TNS1: variants seen among roughly 807,000 people sequenced by gnomAD.
TNS1 encodes the protein tensin-1.
In TNS1, 62 loss-of-function variants were observed where a neutral mutation model predicts 168.6. That is an observed-to-expected ratio of 0.37 (90% CI 0.30 to 0.45). TNS1 has a LOEUF of 0.45. Among genes scored for constraint, TNS1 ranks in the 20% least tolerant of loss-of-function variants. The pLI, the probability that TNS1 is intolerant of heterozygous loss-of-function variation, is 1.00. For missense variants in TNS1, 2,240 were observed against 2,339.4 expected (o/e 0.96, Z 0.88); for synonymous variants, 934 against 933.2 (o/e 1.00, Z -0.02).
chr2:217,992,994 C>T (rs935375442), intron 1 of TNS1, among the ~76,000 whole-genome samples: 1 of 152,146 alleles, frequency 6.6e-6, no homozygotes, highest in African/African-American at 2.4e-5. Flanking sequence ...TTTTTAGTGT[C>T]CCTTTTCTAC....
chr2:217,920,287 C>G (rs930992495), intron 3 of TNS1, 51 bp from the exon 4 acceptor site: 6 of 702,714 alleles, frequency 8.5e-6, no homozygotes, highest in Admixed American at 6.0e-5. Context: ...TCTCTAGAGA[C>G]AGCCAGCACC....
At chr2:217,905,327 G>A (rs1208426975) in intron 6 of TNS1, 1 of 434,434 alleles carries the variant, frequency 2.3e-6, no homozygotes, top group Non-Finnish European at 4.6e-6. Flanking sequence ...TAATTTAAGA[G>A]GCATGCTCCC....
In TNS1 at chr2:217,917,830, A is replaced by C. The variant is rs1443429973; in HGVS notation, c.228+2365T>G. ...TGGGCAACACAGTGAGACTGTTCTCAAAAAAAAAAAAAAAAAAAGACTTGC... is the reference window on the plus strand; with the variant it reads ...TGGGCAACACAGTGAGACTGTTCTCCAAAAAAAAAAAAAAAAAAGACTTGC... On this transcript the variant is annotated intron_variant, in intron 4 of 32. Transcript: ENST00000682258. Among the ~76,000 whole-genome samples, 14 of 97,034 alleles carry C rather than the reference A, an allele frequency of 1.4e-4. 1 individual carries two copies. The highest frequency in any genetic ancestry group is 8.7e-4 in the African/African-American group (13 of 14,912). 63.7% of individuals were successfully genotyped at this position (97,034 alleles called of 152,430 possible).
intron 23 of TNS1, among the ~76,000 whole-genome samples, chr2:217,820,161 T>C (rs1463162908): frequency 6.6e-6 from 1 of 151,984 alleles, no homozygotes; most frequent in Non-Finnish European, 1.5e-5. Context: ...AAGGAGACAC[T>C]AAAATGGAGT....
rs1055346767 is a variant in TNS1 at position 217,948,353 on chromosome 2, C to T, written c.187-28117G>A. On this transcript the variant is annotated intron_variant, in intron 3 of 32. Transcript: ENST00000682258. The surrounding 1 kb of genome is among the most constrained non-coding windows in gnomAD (Gnocchi z 4.1). ...ATCACAGAGAAGGAAGGGCCACATGCCCAGGTCCCAAGGGGAGAGGCCACT... is the reference window on the plus strand; with the variant it reads ...ATCACAGAGAAGGAAGGGCCACATGTCCAGGTCCCAAGGGGAGAGGCCACT... 3.9e-4 allele frequency among the ~76,000 whole-genome samples: 59 copies of T among 152,140 alleles called. No individual in the cohort carries two copies. Among genetic ancestry groups the T allele is most frequent in the African/African-American group, 1.4e-3 (56 of 41,432 alleles).
intron 18 of TNS1, among the ~76,000 whole-genome samples, chr2:217,879,777 CG>C (rs1213140090): frequency 6.6e-6 from 1 of 152,152 alleles, no homozygotes; most frequent in Non-Finnish European, 1.5e-5. Flanking sequence ...CAGAAGACAG[CG>C]CCGTGTAGAG....
chr2:217,982,989 C>G (rs965438398), intron 2 of TNS1, among the ~76,000 whole-genome samples: 1 of 152,190 alleles, frequency 6.6e-6, no homozygotes, highest in Non-Finnish European at 1.5e-5. Flanking sequence ...AGACACCCCC[C>G]ACCACCAATG....
chr2:218,004,578 A>G (rs768893123), upstream of TNS1, among the ~76,000 whole-genome samples: 2 of 152,250 alleles, frequency 1.3e-5, no homozygotes, highest in Non-Finnish European at 2.9e-5. Flanking sequence ...GTATTCAGAT[A>G]CACAGGTTGT....
At chr2:217,850,380 A>G in intron 18 of TNS1, 2 of 985,194 alleles carry the variant, frequency 2.0e-6, no homozygotes, top group Non-Finnish European at 2.4e-6. Flanking sequence ...CAAAAACAAG[A>G]TGTCTTCATG....
In TNS1 at chr2:217,958,003, T is replaced by TCACACACACACACACACACACACA. The variant is rs57381974; in HGVS notation, c.186+20738_186+20761dup. ...TTTTAAATCTCCCATAATAAAGAAT[T>TCACACACACACACACACACACACA]CACACACACACACACACACACACAC... On this transcript the variant is annotated intron_variant, in intron 3 of 32. Coordinates refer to ENST00000682258, the MANE Select transcript of TNS1 (RefSeq NM_001387777.1). Among the ~76,000 whole-genome samples, 418 of 145,820 alleles carry TCACACACACACACACACACACACA rather than the reference T, an allele frequency of 2.9e-3. 6 individuals carry two copies. Among genetic ancestry groups the TCACACACACACACACACACACACA allele is most frequent in the African/African-American group, 9.8e-3 (380 of 38,604 alleles).
chr2:217,882,299 A>G (rs1274320571), intron 17 of TNS1, 47 bp downstream of exon 17: 20 of 1,306,086 alleles, frequency 1.5e-5, no homozygotes, highest in Non-Finnish European at 2.2e-5. Context: ...GGATAGGGTC[A>G]GGATAAAAGG....
At chr2:217,903,036 C>T (rs1448727381) in intron 6 of TNS1, among the ~76,000 whole-genome samples, 1 of 152,176 alleles carries the variant, frequency 6.6e-6, no homozygotes, top group Non-Finnish European at 1.5e-5. Context: ...CAGGTGACCT[C>T]ACACGAGGCT....
chr2:217,814,066 A>G, intron 25 of TNS1: 1 of 299,566 alleles, frequency 3.3e-6, no homozygotes, highest in Non-Finnish European at 6.1e-6. Flanking sequence ...CAGTGGCACA[A>G]TCATGGCTCA....
chr2:217,937,231 C>A (rs1044489820), intron 3 of TNS1: 12 of 356,654 alleles, frequency 3.4e-5, no homozygotes, highest in Non-Finnish European at 5.6e-6. Context: ...GTCTTTCCAG[C>A]CTCATACCCA....
At chr2:217,983,656 C>T (rs1468964899) in intron 2 of TNS1, among the ~76,000 whole-genome samples, 2 of 152,168 alleles carry the variant, frequency 1.3e-5, no homozygotes, top group African/African-American at 2.4e-5. Context: ...GGACTTGGGT[C>T]GGAAAATGAG....
chr2:217,863,279 G>T (rs768524719), intron 18 of TNS1, among the ~76,000 whole-genome samples: 28 of 152,038 alleles, frequency 1.8e-4, no homozygotes, highest in Non-Finnish European at 3.2e-4. Flanking sequence ...AAGATGAGAG[G>T]TTAGAGGAAA....
At chr2:217,955,065 C>T (rs1001171417) in intron 3 of TNS1, among the ~76,000 whole-genome samples, 4 of 152,342 alleles carry the variant, frequency 2.6e-5, no homozygotes, top group Non-Finnish European at 5.9e-5. Context: ...CAGCCAGAGC[C>T]GGACAGGTGT....
upstream of TNS1, among the ~76,000 whole-genome samples, chr2:218,012,206 G>A (rs1414190697): frequency 1.3e-5 from 2 of 152,178 alleles, no homozygotes; most frequent in Admixed American, 6.5e-5. Flanking sequence ...TTAATGCATC[G>A]CAAGTAGAAT....
chr2:217,898,813 G>A (rs967236183), intron 7 of TNS1, among the ~76,000 whole-genome samples: 3 of 152,198 alleles, frequency 2.0e-5, no homozygotes, highest in African/African-American at 7.2e-5. Flanking sequence ...GGAAGGGAGG[G>A]GCTCGCATCT....
Sources: allele counts gnomAD v4.1 joint callset (sites outside exome capture counted in the v4.1 genomes callset), GRCh38; gene constraint gnomAD v4.1.1; non-coding constraint Gnocchi (gnomAD v3.1); transcripts MANE v1.5; gene names NCBI Gene and HGNC (gene_info 2026-07-23, HGNC 2026-07-21).